Variants in ZNF714 observed in about 807,000 individuals in gnomAD.
ZNF714 encodes the protein zinc finger protein 714.
ZNF714 carries 32 observed loss-of-function variants against 46.2 expected under a neutral mutation model. That is an observed-to-expected ratio of 0.69 (90% CI 0.52 to 0.93). The LOEUF (loss-of-function observed/expected upper bound fraction) is 0.93, where lower values mean the gene tolerates loss of function less well. ZNF714 is among the 40% of genes least tolerant of loss of function. The pLI, the probability that ZNF714 is intolerant of heterozygous loss-of-function variation, is 0.00. For synonymous variants in ZNF714, 199 were observed against 213.1 expected (o/e 0.93, Z 0.58); for missense variants, 635 against 646.3 (o/e 0.98, Z 0.19).
In ZNF714 at chr19:21,117,518, A is replaced by C. The variant is rs1265715171; in HGVS notation, c.854A>C (p.Tyr285Ser). Reference sequence around the variant, plus strand: ...TTCATTCATGTTAAAGAAAAACCCTACAAATGTGAAGAATGTGACAAAGCT... The same window carrying C: ...TTCATTCATGTTAAAGAAAAACCCTCCAAATGTGAAGAATGTGACAAAGCT... Reference protein sequence around the residue: ...HKFIHVKEKPYKCEECDKAFN... With the variant: ...HKFIHVKEKPSKCEECDKAFN... Residue 285 changes from tyrosine to serine, a missense_variant, in exon 5 of 5, where the codon TAC becomes TCC. Tyr to Ser is a moderately radical substitution (Grantham distance 144, BLOSUM62 -2). Transcript: ENST00000456283. 3.1e-6 allele frequency: 5 copies of C among 1,607,538 alleles called. No individual in the cohort carries two copies. In the South Asian group the frequency reaches 5.5e-5, roughly 18 times the overall value.
At chr19:21,100,969 A>G (rs947437294) in intron 4 of ZNF714, among the ~76,000 whole-genome samples, 3 of 152,090 alleles carry the variant, frequency 2.0e-5, no homozygotes, top group Non-Finnish European at 2.9e-5. Context: ...TCGGCCCCCA[A>G]AAGTGCTGGG....
At chr19:21,084,245 TC>T (rs1968723727) in intron 2 of ZNF714, among the ~76,000 whole-genome samples, 176 bp downstream of exon 2, 1 of 145,008 alleles carries the variant, frequency 6.9e-6, no homozygotes, top group African/African-American at 2.6e-5. Flanking sequence ...AAAAAAAAAA[TC>T]AAGCAAACAA....
In ZNF714 at chr19:21,116,099, C is replaced by A. The variant is rs941369529; in HGVS notation, c.143-708C>A. Reference sequence around the variant, plus strand: ...TAAAGCTACCTGACACAGTTTTTATCTTGTAGCTTTCTCCTGGCATAGTCT... The same window carrying A: ...TAAAGCTACCTGACACAGTTTTTATATTGTAGCTTTCTCCTGGCATAGTCT... On this transcript the variant is annotated intron_variant, in intron 4 of 4. Transcript: ENST00000456283. Among the ~76,000 whole-genome samples, 6 of 151,924 alleles carry A rather than the reference C, an allele frequency of 3.9e-5. 1 individual carries two copies.
At position 21,117,601 on chromosome 19, in the gene ZNF714, T is replaced by G. The variant is rs1297841135; in HGVS notation, c.937T>G (p.Tyr313Asp). 6.2e-7 allele frequency: 1 copy of G among 1,610,516 alleles called. No homozygotes were observed. The highest frequency in any genetic ancestry group is 8.5e-7 in the Non-Finnish European group (1 of 1,178,020). The stretch of plus-strand genomic sequence containing the variant: ...GATAATTCATTCTGGAGAGAAATCT[T>G]ACAAATGTGAACAATGTGGCAAAGG... ...HKIIHSGEKS[Y>D]KCEQCGKGFN... The change falls in exon 5 of 5, where the codon TAC (tyrosine) becomes GAC (aspartate). Residue 313 changes from tyrosine to aspartate, a missense_variant. Transcript: ENST00000456283.
intron 2 of ZNF714, among the ~76,000 whole-genome samples, chr19:21,085,188 A>T (rs566066400): frequency 6.6e-6 from 1 of 152,328 alleles, no homozygotes; most frequent in African/African-American, 2.4e-5. Flanking sequence ...ATACATGTCC[A>T]TAAGAAAATG....
At position 21,096,644 on chromosome 19, in the gene ZNF714, C is replaced by T. The variant is rs542834140; in HGVS notation, c.-84-1541C>T. 5.3e-5 allele frequency among the ~76,000 whole-genome samples: 8 copies of T among 152,232 alleles called. No homozygotes were observed. In the East Asian group the frequency reaches 1.4e-3, roughly 26 times the overall value. On this transcript the variant is annotated intron_variant, in intron 2 of 4. Transcript: ENST00000456283. ...GGCTTCTTATATGCAATGCAGAATT[C>T]CTACCATGAATTTATGATCTGCCAT...
At chr19:21,109,926 G>T (rs1435114866) in intron 4 of ZNF714, among the ~76,000 whole-genome samples, 3 of 152,060 alleles carry the variant, frequency 2.0e-5, no homozygotes, top group South Asian at 2.1e-4. Flanking sequence ...ACATGATGTT[G>T]TTCCTTTTTT....
Position 21,098,911 on chromosome 19 carries a change from G to C in ZNF714, c.142+1G>C. 2 of 1,569,156 alleles carry C rather than the reference G, an allele frequency of 1.3e-6. No individual in the cohort carries two copies. The highest frequency in any genetic ancestry group is 1.7e-6 in the Non-Finnish European group (2 of 1,146,596). ...TGTGAGATGGTGGATGAATCCCCAG[G>C]TAGGTGAGAGTGAACACAACAGATG... On this transcript the variant is annotated splice_donor_variant, in intron 4 of 4. Coordinates refer to ENST00000456283, the MANE Select transcript of ZNF714 (RefSeq NM_182515.4). LOFTEE classifies it high-confidence loss of function.
chr19:21,107,813 T>A (rs904775810), intron 4 of ZNF714, among the ~76,000 whole-genome samples: 7 of 152,344 alleles, frequency 4.6e-5, no homozygotes, highest in African/African-American at 1.7e-4. Flanking sequence ...TGAGCCACCG[T>A]ACTCAACCCA....
At chr19:21,109,024 G>A (rs1374268391) in intron 4 of ZNF714, among the ~76,000 whole-genome samples, 1 of 152,074 alleles carries the variant, frequency 6.6e-6, no homozygotes, top group East Asian at 1.9e-4. Flanking sequence ...TCCTATGCTA[G>A]TACTTGACTT....
At chr19:21,089,457 GTT>G (rs901260268) in intron 2 of ZNF714, among the ~76,000 whole-genome samples, 3 of 152,180 alleles carry the variant, frequency 2.0e-5, no homozygotes, top group African/African-American at 7.2e-5. Context: ...ATTCAAGGTG[GTT>G]TCTGGAGGGG....
intron 2 of ZNF714, among the ~76,000 whole-genome samples, chr19:21,088,447 A>C (rs1350194810): frequency 6.6e-6 from 1 of 152,146 alleles, no homozygotes; most frequent in Non-Finnish European, 1.5e-5. Context: ...AAGATAGGTA[A>C]ATTGAACAAT....
chr19:21,085,203 A>T (rs866254799), intron 2 of ZNF714, among the ~76,000 whole-genome samples: 5 of 152,310 alleles, frequency 3.3e-5, no homozygotes, highest in Middle Eastern at 3.4e-3. Flanking sequence ...AAAATGTGGT[A>T]GATAATTGGT....
rs1395889412 is a variant in ZNF714, at chr19:21,119,854, T to G, written c.*1522T>G. ...ATATAACTTTAAGAGGATCAGAAGG[T>G]TTTTTGCAGTTATAATTACATTCAA... On this transcript the variant is annotated 3_prime_UTR_variant, in exon 5 of 5. Transcript: ENST00000456283. The G allele has an allele frequency of 6.6e-6, 1 of 152,088 alleles. No homozygotes were observed. Among genetic ancestry groups the G allele is most frequent in the Non-Finnish European group, 1.5e-5 (1 of 68,016 alleles). The allele number at this position is 152,088 out of a possible 1,614,324, so 9.4% of individuals were successfully genotyped here. A position where few individuals can be genotyped will look rare whatever the true frequency, so the allele number is the denominator to read the frequency against.
intron 4 of ZNF714, among the ~76,000 whole-genome samples, chr19:21,114,398 T>G (rs548250715): frequency 7.9e-4 from 113 of 143,154 alleles, no homozygotes; most frequent in Non-Finnish European, 1.3e-3. Flanking sequence ...ATCGCACCAC[T>G]GCACTCGAAC....
chr19:21,098,448 T>G, intron 3 of ZNF714, 137 bp downstream of exon 3: 1 of 1,147,884 alleles, frequency 8.7e-7, no homozygotes, highest in Non-Finnish European at 1.2e-6. Context: ...TCTTGATGAT[T>G]TGTCTCTGTA....
chr19:21,110,495 G>A (rs8103825), intron 4 of ZNF714, among the ~76,000 whole-genome samples: 124,447 of 152,100 alleles, frequency 0.82, 52,890 homozygotes, highest in Middle Eastern at 0.93. Context: ...CTGGATATTA[G>A]CTTTTGTCAG....
At chr19:21,090,232 C>T (rs547864478) in intron 2 of ZNF714, among the ~76,000 whole-genome samples, 1 of 152,232 alleles carries the variant, frequency 6.6e-6, no homozygotes, top group South Asian at 2.1e-4. Context: ...AAAAGCATTG[C>T]CTGTGGCAGG....
intron 4 of ZNF714, among the ~76,000 whole-genome samples, chr19:21,115,522 A>G (rs1393436078): frequency 6.6e-6 from 1 of 151,774 alleles, no homozygotes; most frequent in Non-Finnish European, 1.5e-5. Context: ...TTTATTGGGC[A>G]GGACTGGTAT....
Sources: allele counts gnomAD v4.1 joint callset (sites outside exome capture counted in the v4.1 genomes callset), GRCh38; gene constraint gnomAD v4.1.1; transcripts MANE v1.5; gene names NCBI Gene and HGNC (gene_info 2026-07-23, HGNC 2026-07-21).